Variants in MBNL2 observed in about 807,000 individuals in gnomAD.
MBNL2 encodes the protein muscleblind-like protein 2.
A neutral mutation model predicts 41.9 loss-of-function variants in MBNL2; 17 were observed. The observed-to-expected ratio is 0.41, with a 90% CI of 0.28 to 0.61. The LOEUF is 0.61. MBNL2 is among the 20% of genes least tolerant of loss of function. The probability of loss-of-function intolerance (pLI) is 0.35; values close to 1 mark genes in which losing one functional copy is unlikely to be tolerated. For synonymous variants in MBNL2, 195 were observed against 182.9 expected (o/e 1.07, Z -0.53); for missense variants, 336 against 505.6 (o/e 0.66, Z 3.22).
intron 1 of MBNL2, among the ~76,000 whole-genome samples, chr13:97,272,284 T>G (rs1566380962): frequency 6.6e-6 from 1 of 152,174 alleles, no homozygotes; most frequent in Non-Finnish European, 1.5e-5. Context: ...TTCATATCAG[T>G]TTTTGATGGG....
the MBNL2 span, among the ~76,000 whole-genome samples, chr13:97,189,872 G>T: frequency 1.3e-5 from 2 of 152,294 alleles, no homozygotes; most frequent in East Asian, 3.9e-4. Flanking sequence ...AGAACCACAC[G>T]CACAGCATGT....
intron 8 of MBNL2, among the ~76,000 whole-genome samples, chr13:97,374,803 T>C (rs1236602256): frequency 6.6e-6 from 1 of 152,202 alleles, no homozygotes; most frequent in East Asian, 1.9e-4. Flanking sequence ...ATTTCTCCAA[T>C]TTTAGGTTTT....
At chr13:97,340,496 A>G (rs1365287966) in intron 3 of MBNL2, among the ~76,000 whole-genome samples, 2 of 152,206 alleles carry the variant, frequency 1.3e-5, no homozygotes, top group Admixed American at 6.5e-5. Flanking sequence ...CTTGATGGAC[A>G]TTGATTTTTA....
chr13:97,390,303 G>A (rs754580715), intron 8 of MBNL2, among the ~76,000 whole-genome samples: 1 of 150,972 alleles, frequency 6.6e-6, no homozygotes, highest in Non-Finnish European at 1.5e-5. Context: ...ATATCCACGT[G>A]GAGAAATTAT....
intron 1 of MBNL2, among the ~76,000 whole-genome samples, chr13:97,240,025 T>A (rs1302928227): frequency 6.6e-6 from 1 of 152,234 alleles, no homozygotes; most frequent in Admixed American, 6.5e-5. Flanking sequence ...TCTCCCAAGT[T>A]ACTCTGAAGG....
At chr13:97,364,238 C>G (rs1410265552) in intron 7 of MBNL2, among the ~76,000 whole-genome samples, 4 of 152,142 alleles carry the variant, frequency 2.6e-5, no homozygotes, top group Non-Finnish European at 5.9e-5. Context: ...CCACCTCCTA[C>G]CTCCCCACTC....
At chr13:97,168,478 T>C in the MBNL2 span, among the ~76,000 whole-genome samples, 1 of 152,206 alleles carries the variant, frequency 6.6e-6, no homozygotes, top group Non-Finnish European at 1.5e-5. Flanking sequence ...TTATCTCTCT[T>C]TTGTGCTTTA....
intron 1 of MBNL2, among the ~76,000 whole-genome samples, chr13:97,270,749 TG>T (rs1045685727): frequency 1.3e-5 from 2 of 152,204 alleles, no homozygotes; most frequent in African/African-American, 4.8e-5. Flanking sequence ...TACATCTATA[TG>T]TTGGCATATC....
intron 2 of MBNL2, among the ~76,000 whole-genome samples, chr13:97,305,746 G>T (rs187093867): frequency 6.6e-6 from 1 of 151,130 alleles, no homozygotes; most frequent in Admixed American, 6.7e-5. Context: ...TCCAGCCTGG[G>T]CAACAGAGGG....
chr13:97,292,221 A>AAC (rs1555310897), intron 2 of MBNL2, among the ~76,000 whole-genome samples: 2 of 149,486 alleles, frequency 1.3e-5, no homozygotes, highest in African/African-American at 5.0e-5. Context: ...AAAAAAAAAA[A>AAC]AGTGATTGCT....
the MBNL2 span, among the ~76,000 whole-genome samples, chr13:97,169,047 C>T: frequency 6.6e-6 from 1 of 152,146 alleles, no homozygotes; most frequent in African/African-American, 2.4e-5. Context: ...TCTACTCCCC[C>T]CTTTGTCGCA....
At chr13:97,211,455 G>C in the MBNL2 span, among the ~76,000 whole-genome samples, 1 of 152,140 alleles carries the variant, frequency 6.6e-6, no homozygotes, top group Non-Finnish European at 1.5e-5. Flanking sequence ...GTGGAAAAGG[G>C]ACCTGCTAAC....
chr13:97,340,771 G>A (rs1303207803), intron 3 of MBNL2, among the ~76,000 whole-genome samples: 1 of 152,066 alleles, frequency 6.6e-6, no homozygotes, highest in African/African-American at 2.4e-5. Flanking sequence ...CTGTGTTATT[G>A]CCATCATCAA....
chr13:97,186,841 A>T, the MBNL2 span, among the ~76,000 whole-genome samples: 1 of 151,924 alleles, frequency 6.6e-6, no homozygotes, highest in East Asian at 1.9e-4. Flanking sequence ...ATCATACACC[A>T]AAAAAAAGGG....
At chr13:97,322,213 C>A (rs2059561363) in intron 2 of MBNL2, among the ~76,000 whole-genome samples, 1 of 152,126 alleles carries the variant, frequency 6.6e-6, no homozygotes, top group South Asian at 2.1e-4. Flanking sequence ...TCTGCATAGC[C>A]TTCCCCAGCC....
chr13:97,316,959 C>T (rs1428617930), intron 2 of MBNL2, among the ~76,000 whole-genome samples: 2 of 152,230 alleles, frequency 1.3e-5, no homozygotes, highest in Non-Finnish European at 2.9e-5. Flanking sequence ...AGACTTGCAA[C>T]ATATGCCTGT....
intron 1 of MBNL2, among the ~76,000 whole-genome samples, chr13:97,259,091 A>G (rs1331186483): frequency 6.6e-6 from 1 of 152,196 alleles, no homozygotes; most frequent in Non-Finnish European, 1.5e-5. Context: ...TCATGTTCAC[A>G]TCTTCTCAGA....
intron 2 of MBNL2, among the ~76,000 whole-genome samples, chr13:97,284,597 C>T (rs1286128050): frequency 6.6e-6 from 1 of 152,130 alleles, no homozygotes; most frequent in Non-Finnish European, 1.5e-5. Context: ...GGGGTTAGGA[C>T]TTCAACATAT....
At chr13:97,380,172 A>G (rs1413496498) in intron 8 of MBNL2, among the ~76,000 whole-genome samples, 1 of 152,150 alleles carries the variant, frequency 6.6e-6, no homozygotes, top group Non-Finnish European at 1.5e-5. Context: ...ACATATCTTT[A>G]TATCTTCTCT....
Sources: gnomAD v4.1 joint callset for allele counts (sites outside exome capture counted in the v4.1 genomes callset) on GRCh38, gnomAD v4.1.1 for gene constraint, MANE v1.5 for transcripts, NCBI Gene and HGNC (gene_info 2026-07-23, HGNC 2026-07-21) for gene names.